SHANK1: variants seen among roughly 807,000 people sequenced by gnomAD.
SHANK1 encodes the protein SH3 and multiple ankyrin repeat domains 1.
A neutral mutation model predicts 165.6 loss-of-function variants in SHANK1; 35 were observed. The observed-to-expected ratio is 0.21, with a 90% confidence interval of 0.16 to 0.28. The LOEUF (loss-of-function observed/expected upper bound fraction) is 0.28. SHANK1 is among the 10% of genes least tolerant of loss of function. SHANK1 has a pLI of 1.00. For missense variants in SHANK1, 2,681 were observed against 3,036.4 expected (o/e 0.88, Z 2.75); for synonymous variants, 1,428 against 1,384.8 (o/e 1.03, Z -0.69).
At position 50,668,530 on chromosome 19, in the gene SHANK1, C is replaced by G. The variant is rs780395301; in HGVS notation, c.3430G>C (p.Val1144Leu). 5 of 1,351,432 alleles carry G rather than the reference C, an allele frequency of 3.7e-6. No homozygotes were observed. In the East Asian group the frequency reaches 1.4e-4, roughly 39 times the overall value. 83.7% of individuals were successfully genotyped at this position (1,351,432 alleles called of 1,614,324 possible). ...SPASPQPPPA[V>L]AAPSEKNSIP... is the part of the protein sequence containing the mutation. ...GAGTTCTTCTCCGAGGGCGCGGCCA[C>G]GGCGGGCGGCGGCTGCGGGGAGGCC... is the stretch of plus-strand genomic sequence containing the variant. The change falls in exon 23 of 24, where the codon GTG becomes CTG. Residue 1144 changes from valine (V) to leucine (L), a missense_variant. Coordinates refer to ENST00000293441, the MANE Select transcript of SHANK1 (RefSeq NM_016148.5).
Position 50,661,878 on chromosome 19 carries a change from G to A in SHANK1, c.*87C>T. 6.9e-7 allele frequency: 1 copy of A among 1,454,916 alleles called. No individual in the cohort carries two copies. Among genetic ancestry groups the A allele is most frequent in the Non-Finnish European group, 9.5e-7 (1 of 1,048,606 alleles). 90.1% of individuals were successfully genotyped at this position (1,454,916 alleles called of 1,614,324 possible). A position where few individuals can be genotyped will look rare whatever the true frequency, so the allele number is the denominator to read the frequency against. On this transcript the variant is annotated 3_prime_UTR_variant, in exon 24 of 24. Coordinates refer to ENST00000293441, the MANE Select transcript of SHANK1 (RefSeq NM_016148.5). ...AGTTTGAACAGAGTCCCTGGCCCGG[G>A]GAGAGAATGACAGTCAGGGGTCAGA...
chr19:50,665,824 G>A (rs1283605744), intron 23 of SHANK1, among the ~76,000 whole-genome samples: 2 of 149,816 alleles, frequency 1.3e-5, no homozygotes, highest in African/African-American at 4.9e-5. Context: ...ACCTGAGGTT[G>A]GGAGTTCGAG....
chr19:50,716,590 C>T lies in SHANK1; in HGVS notation c.255+75G>A, dbSNP rs940880148. On this transcript the variant is annotated intron_variant, in intron 2 of 23. Transcript: ENST00000293441. The surrounding 1 kb of genome is among the most constrained non-coding windows in gnomAD (Gnocchi z 8.4). Reference sequence around the variant, plus strand: ...GTGGGGGTGATTCCTGGGAGGATACCCAGCACCAGTGGACTCCCCATGTCG... The same window carrying T: ...GTGGGGGTGATTCCTGGGAGGATACTCAGCACCAGTGGACTCCCCATGTCG... The T allele has an allele frequency of 6.4e-7, 1 of 1,556,094 alleles. No homozygotes were observed. Among genetic ancestry groups the T allele is most frequent in the African/African-American group, 1.4e-5 (1 of 73,720 alleles).
Position 50,666,728 on chromosome 19 carries a change from G to A in SHANK1, c.5232C>T (p.Gly1744=), listed in dbSNP as rs776472172. ...TCATGAGCTGAGGAGGGTATGGCGG[G>A]CCGGGAGTACTGCTGCCCCCAAAGG... ...GQAFGGSSTP[G]PPYPPQLMTP... The change falls in exon 23 of 24, where the codon GGC becomes GGT. Residue 1744 remains glycine (G), a synonymous_variant. Coordinates refer to ENST00000293441, the MANE Select transcript of SHANK1 (RefSeq NM_016148.5). 2 of 1,570,900 alleles carry A rather than the reference G, an allele frequency of 1.3e-6. No individual in the cohort carries two copies. Among genetic ancestry groups the A allele is most frequent in the South Asian group, 2.3e-5 (2 of 85,906 alleles).
Position 50,704,176 on chromosome 19 carries a change from A to G in SHANK1, c.1166T>C (p.Ile389Thr). The G allele has an allele frequency of 6.2e-7, 1 of 1,613,096 alleles. No homozygotes were observed. The highest frequency in any genetic ancestry group is 8.5e-7 in the Non-Finnish European group (1 of 1,179,670). Residue 389 changes from isoleucine (I) to threonine (T), a missense_variant, in exon 10 of 24, where the codon ATT becomes ACT. Coordinates refer to ENST00000293441, the MANE Select transcript of SHANK1 (RefSeq NM_016148.5). ...CTCCCCCAGCTCAAAATTCCCAGCA[A>G]TCACTGCCACCTGGAGGGAGGGGGT... ...NGQTPFQVAV[I>T]AGNFELGELI...
Position 50,667,806 on chromosome 19 carries a change from T to C in SHANK1, c.4154A>G (p.Tyr1385Cys), listed in dbSNP as rs768312035. ...QPPPRPPSPR[Y>C]EAPPPTPHHH... is the part of the protein sequence containing the mutation. ...GTGCGGGGTGGGCGGCGGGGCCTCGTAGCGGGGCGATGGGGGCCTGGGAGG... is the reference window on the plus strand; with the variant it reads ...GTGCGGGGTGGGCGGCGGGGCCTCGCAGCGGGGCGATGGGGGCCTGGGAGG... The change falls in exon 23 of 24, where the codon TAC becomes TGC. Residue 1385 changes from tyrosine (Y) to cysteine (C), a missense_variant. Transcript: ENST00000293441. The surrounding 1 kb of genome is among the most constrained non-coding windows in gnomAD (Gnocchi z 5.7). The C allele has an allele frequency of 3.7e-5, 48 of 1,291,936 alleles. No individual in the cohort carries two copies. The African/African-American group carries it at 6.7e-4, about 18-fold the overall frequency. 80.0% of individuals were successfully genotyped at this position (1,291,936 alleles called of 1,614,324 possible).
Position 50,662,977 on chromosome 19 carries a change from T to G in SHANK1, c.5769-295A>C. The G allele has an allele frequency of 2.3e-6, 1 of 438,676 alleles. No individual in the cohort carries two copies. Among genetic ancestry groups the G allele is most frequent in the East Asian group, 4.5e-5 (1 of 22,430 alleles). 27.2% of individuals were successfully genotyped at this position (438,676 alleles called of 1,614,324 possible). On this transcript the variant is annotated intron_variant, in intron 23 of 23. Transcript: ENST00000293441. This position sits in a 1 kb window ranked among gnomAD's most constrained non-coding sequence, Gnocchi z 7.7. The stretch of plus-strand genomic sequence containing the variant: ...AATAATAATCGTCACCGCTTACTGA[T>G]GCTCACGTGTGCCAGGCATTGTTCT...
chr19:50,696,778 G>C (rs1986754694), intron 15 of SHANK1, among the ~76,000 whole-genome samples: 1 of 152,132 alleles, frequency 6.6e-6, no homozygotes, highest in South Asian at 2.1e-4. Context: ...CCATGTGTGT[G>C]AGCAGACTCA....
Position 50,716,228 on chromosome 19 carries a change from T to C in SHANK1, c.459+47A>G. ...AAAGTGGGTGGGGGGCAGATGTGTTTTAGGGCATGCCTTCTCTTATCAGTG... is the reference window on the plus strand; with the variant it reads ...AAAGTGGGTGGGGGGCAGATGTGTTCTAGGGCATGCCTTCTCTTATCAGTG... On this transcript the variant is annotated intron_variant, in intron 3 of 23. Transcript: ENST00000293441. The surrounding 1 kb of genome is among the most constrained non-coding windows in gnomAD (Gnocchi z 8.4). The C allele has an allele frequency of 6.3e-7, 1 of 1,578,796 alleles. No homozygotes were observed. The highest frequency in any genetic ancestry group is 1.3e-5 in the African/African-American group (1 of 74,312).
chr19:50,667,461 G>A lies in SHANK1; in HGVS notation c.4499C>T (p.Pro1500Leu), dbSNP rs1202105092. ...LHVRFLENCQ[P>L]RAPVTSGRGP... ...CCTTCCGCTCGTCACAGGGGCCCGG[G>A]GCTGGCAGTTTTCAAGGAACCGCAC... Residue 1500 changes from proline to leucine, a missense_variant, in exon 23 of 24, where the codon CCC becomes CTC. Physicochemically the swap from Pro to Leu is moderately conservative, Grantham distance 98. This residue lies in a region of SHANK1 where 1,713 missense variants were observed against 1,630.2 expected (regional missense o/e 1.05). Coordinates refer to ENST00000293441, the MANE Select transcript of SHANK1 (RefSeq NM_016148.5). This position sits in a 1 kb window ranked among gnomAD's most constrained non-coding sequence, Gnocchi z 5.7. The A allele has an allele frequency of 3.9e-6, 6 of 1,530,228 alleles. No individual in the cohort carries two copies. Among genetic ancestry groups the A allele is most frequent in the Non-Finnish European group, 5.2e-6 (6 of 1,147,780 alleles). 94.8% of individuals were successfully genotyped at this position (1,530,228 alleles called of 1,614,324 possible). A position where few individuals can be genotyped will look rare whatever the true frequency, so the allele number is the denominator to read the frequency against.
chr19:50,679,321 C>T (rs1253238563), intron 21 of SHANK1, among the ~76,000 whole-genome samples: 2 of 151,452 alleles, frequency 1.3e-5, no homozygotes. Flanking sequence ...ACAGACGCCT[C>T]GTCAGATTTG....
intron 22 of SHANK1, among the ~76,000 whole-genome samples, chr19:50,671,526 A>C (rs117205890): frequency 0.014 from 2,065 of 150,432 alleles, 19 homozygotes; most frequent in Non-Finnish European, 0.021. Context: ...CTGCTAACAT[A>C]CTAGATAATT....
chr19:50,692,456 GATATAT>G (rs142402078), intron 15 of SHANK1, among the ~76,000 whole-genome samples: 5 of 128,850 alleles, frequency 3.9e-5, no homozygotes, highest in African/African-American at 1.6e-4. Context: ...GAATTCACCA[GATATAT>G]ATATATATAT....
chr19:50,712,013 C>T lies in SHANK1; in HGVS notation c.894G>A (p.Glu298=). 6.2e-7 allele frequency: 1 copy of T among 1,614,036 alleles called. No homozygotes were observed. The highest frequency in any genetic ancestry group is 2.2e-5 in the East Asian group (1 of 44,886). The part of the protein sequence containing the change: ...AMVGGDPRCC[E]LLLFNRAQLG... ...GCTGGGCCCTGTTGAACAGGAGCAGCTCGCAGCATCGGGGGTCACCACCCA... is the reference window on the plus strand; with the variant it reads ...GCTGGGCCCTGTTGAACAGGAGCAGTTCGCAGCATCGGGGGTCACCACCCA... The change falls in exon 7 of 24, where the codon GAG becomes GAA. Residue 298 remains glutamate (E), a synonymous_variant. Transcript: ENST00000293441.
intron 15 of SHANK1, among the ~76,000 whole-genome samples, chr19:50,693,968 G>A (rs963731867): frequency 3.3e-5 from 5 of 151,866 alleles, no homozygotes; most frequent in Non-Finnish European, 2.9e-5. Context: ...AGGAGGGTGG[G>A]TGTTGGGAAG....
In SHANK1 at chr19:50,668,387, G is replaced by T. The variant is rs750211822; in HGVS notation, c.3573C>A (p.Gly1191=). The T allele has an allele frequency of 5.4e-6, 7 of 1,303,230 alleles. No individual in the cohort carries two copies. Among genetic ancestry groups the T allele is most frequent in the Non-Finnish European group, 6.8e-6 (7 of 1,023,560 alleles). 80.7% of individuals were successfully genotyped at this position (1,303,230 alleles called of 1,614,324 possible). A position where few individuals can be genotyped will look rare whatever the true frequency, so the allele number is the denominator to read the frequency against. ...PPTQPEPTGG[G]GGGGSSPSPA... is the part of the protein sequence containing the mutation. ...GGCTGGGCGAGGAGCCGCCGCCGCC[G>T]CCGCCTCCCGTGGGCTCCGGCTGGG... Residue 1191 remains glycine (G), a synonymous_variant, in exon 23 of 24, where the codon GGC becomes GGA. Coordinates refer to ENST00000293441, the MANE Select transcript of SHANK1 (RefSeq NM_016148.5).
At chr19:50,687,712 A>C (rs1599855116) in intron 18 of SHANK1, 50 bp from the exon 19 acceptor site, 1 of 1,400,202 alleles carries the variant, frequency 7.1e-7, no homozygotes, top group African/African-American at 1.5e-5. Context: ...AGATGCCCCC[A>C]CCACCCTCTA....
Position 50,662,070 on chromosome 19 carries a change from G to A in SHANK1, c.6381C>T (p.Ser2127=), listed in dbSNP as rs746429256. ...AQFLDHEIDG[S]HLPALTKEDY... is the part of the protein sequence containing the mutation. ...CCTCCTTGGTCAAGGCGGGCAGGTG[G>A]GAGCCATCGATCTCGTGGTCCAGGA... Residue 2127 remains serine, a synonymous_variant, in exon 24 of 24, where the codon TCC becomes TCT. Coordinates refer to ENST00000293441, the MANE Select transcript of SHANK1 (RefSeq NM_016148.5). The surrounding 1 kb of genome is among the most constrained non-coding windows in gnomAD (Gnocchi z 7.7). 61 of 1,614,042 alleles carry A rather than the reference G, an allele frequency of 3.8e-5. No individual in the cohort carries two copies. Among genetic ancestry groups the A allele is most frequent in the Non-Finnish European group, 5.0e-5 (59 of 1,180,024 alleles).
At position 50,719,584 on chromosome 19, in the gene SHANK1, C is replaced by T. The variant is rs1310777299; in HGVS notation, c.-222G>A. 1 of 147,166 alleles carries T rather than the reference C, an allele frequency of 6.8e-6. No individual in the cohort carries two copies. Among genetic ancestry groups the T allele is most frequent in the African/African-American group, 2.5e-5 (1 of 40,128 alleles). The allele number at this position is 147,166 out of a possible 1,614,324, so 9.1% of individuals were successfully genotyped here. A position where few individuals can be genotyped will look rare whatever the true frequency, so the allele number is the denominator to read the frequency against. Reference sequence around the variant, plus strand: ...GGGGGAGGGCGGGAGGGCCGAGGACCTCACCCCCCCCGCGGGCCGGGCCTG... The same window carrying T: ...GGGGGAGGGCGGGAGGGCCGAGGACTTCACCCCCCCCGCGGGCCGGGCCTG... On this transcript the variant is annotated 5_prime_UTR_variant, in exon 1 of 24. Transcript: ENST00000293441.
Sources: allele counts gnomAD v4.1 joint callset (sites outside exome capture counted in the v4.1 genomes callset), GRCh38; gene constraint gnomAD v4.1.1; regional missense constraint gnomAD v4.1.1; non-coding constraint Gnocchi (gnomAD v3.1); transcripts MANE v1.5; gene names NCBI Gene and HGNC (gene_info 2026-07-23, HGNC 2026-07-21).